Variants in MPPED2 observed in about 807,000 individuals in gnomAD.
The protein encoded by MPPED2 is metallophosphoesterase MPPED2.
A neutral mutation model predicts 33.0 loss-of-function variants in MPPED2; 5 were observed. The ratio of observed to expected loss-of-function variants is 0.15; its 90% confidence interval spans 0.08 to 0.32. The LOEUF is 0.32. MPPED2 is among the 10% of genes least tolerant of loss of function. MPPED2 has a pLI of 1.00. For missense variants in MPPED2, 275 were observed against 372.1 expected (o/e 0.74, Z 2.15); for synonymous variants, 136 against 141.9 (o/e 0.96, Z 0.29).
At position 30,449,312 on chromosome 11, in the gene MPPED2, G is replaced by A. The variant is rs149660588; in HGVS notation, c.537-31679C>T. 1.5e-3 allele frequency among the ~76,000 whole-genome samples: 226 copies of A among 152,284 alleles called. 3 individuals carry two copies. The highest frequency in any genetic ancestry group is 5.0e-3 in the African/African-American group (209 of 41,570). On this transcript the variant is annotated intron_variant, in intron 4 of 6. Transcript: ENST00000358117. ...AGGATATGCCACCCCCAACTATGCC[G>A]CTTTGTCATAAGGAGTATTTTTGAG... is the stretch of plus-strand genomic sequence containing the variant.
intron 4 of MPPED2, among the ~76,000 whole-genome samples, chr11:30,438,690 C>T (rs952099257): frequency 2.0e-5 from 3 of 152,212 alleles, no homozygotes; most frequent in African/African-American, 7.2e-5. Context: ...CATTACTATT[C>T]TCGATCCTAT....
At chr11:30,554,765 G>C (rs1022960510) in intron 2 of MPPED2, among the ~76,000 whole-genome samples, 1 of 152,152 alleles carries the variant, frequency 6.6e-6, no homozygotes, top group Non-Finnish European at 1.5e-5. Flanking sequence ...AAAGTGCTGG[G>C]ATTACAGGCA....
At chr11:30,461,023 G>A (rs1274946094) in intron 4 of MPPED2, among the ~76,000 whole-genome samples, 3 of 152,232 alleles carry the variant, frequency 2.0e-5, no homozygotes, top group Non-Finnish European at 2.9e-5. Context: ...TATAAACACA[G>A]GGGAATGCTA....
chr11:30,428,699 T>A (rs1447655688), intron 4 of MPPED2, among the ~76,000 whole-genome samples: 1 of 152,156 alleles, frequency 6.6e-6, no homozygotes, highest in Non-Finnish European at 1.5e-5. Flanking sequence ...GTTCATCTGT[T>A]TGATCTCAGT....
At chr11:30,550,995 C>T (rs1035161047) in intron 2 of MPPED2, among the ~76,000 whole-genome samples, 1 of 152,148 alleles carries the variant, frequency 6.6e-6, no homozygotes, top group African/African-American at 2.4e-5. Context: ...TTGGTAGAAT[C>T]TTTCATACTT....
rs189205481 is a variant in MPPED2 at position 30,430,783 on chromosome 11, A to G, written c.537-13150T>C. Among the ~76,000 whole-genome samples the G allele has an allele frequency of 7.2e-5, 11 of 152,326 alleles. No homozygotes were observed. In the South Asian group the frequency reaches 1.9e-3, roughly 26 times the overall value. ...TATTATGCAAATGTTAATTCTGAAGACTAGGTGGCAACACAGAAAATCCTT... is the reference window on the plus strand; with the variant it reads ...TATTATGCAAATGTTAATTCTGAAGGCTAGGTGGCAACACAGAAAATCCTT... On this transcript the variant is annotated intron_variant, in intron 4 of 6. Coordinates refer to ENST00000358117, the MANE Select transcript of MPPED2 (RefSeq NM_001584.3).
chr11:30,552,090 T>C (rs920479379), intron 2 of MPPED2, among the ~76,000 whole-genome samples: 2 of 152,208 alleles, frequency 1.3e-5, no homozygotes, highest in African/African-American at 4.8e-5. Flanking sequence ...AAAAATCATG[T>C]CATTTTACAC....
At chr11:30,455,640 C>T (rs372661605) in intron 4 of MPPED2, among the ~76,000 whole-genome samples, 27 of 152,300 alleles carry the variant, frequency 1.8e-4, no homozygotes, top group African/African-American at 5.8e-4. Flanking sequence ...GCTTTCCTCC[C>T]CATATGGGAT....
chr11:30,502,559 C>A (rs1952618296), intron 3 of MPPED2, among the ~76,000 whole-genome samples: 2 of 152,106 alleles, frequency 1.3e-5, no homozygotes, highest in Admixed American at 1.3e-4. Flanking sequence ...GGGAGCCTAC[C>A]CAGTGAAGAG....
intron 3 of MPPED2, among the ~76,000 whole-genome samples, chr11:30,526,889 AT>A (rs887352857): frequency 3.7e-4 from 56 of 150,386 alleles, no homozygotes; most frequent in Admixed American, 7.3e-4. Context: ...TCTATTTTCT[AT>A]TTTTTTTTAT....
In MPPED2 at chr11:30,403,372, T is replaced by A. The variant is rs570784145; in HGVS notation, c.766+10856A>T. ...AAGAATTAATATATTAGACATAGCA[T>A]CATTGAGGTAGATACACACATACAT... On this transcript the variant is annotated intron_variant, in intron 6 of 6. Transcript: ENST00000448418. 4.6e-5 allele frequency among the ~76,000 whole-genome samples: 7 copies of A among 152,296 alleles called. No individual in the cohort carries two copies. The East Asian group carries it at 1.3e-3, about 29-fold the overall frequency.
intron 4 of MPPED2, among the ~76,000 whole-genome samples, chr11:30,439,771 T>A (rs1175730183): frequency 6.6e-6 from 1 of 152,254 alleles, no homozygotes; most frequent in Non-Finnish European, 1.5e-5. Context: ...TTGTAATTTG[T>A]AACCTGTTTT....
chr11:30,480,416 G>A (rs1219540378), intron 4 of MPPED2, among the ~76,000 whole-genome samples: 3 of 151,580 alleles, frequency 2.0e-5, no homozygotes, highest in Non-Finnish European at 4.4e-5. Flanking sequence ...AATTACCATC[G>A]CCGTGACTAA....
At chr11:30,575,500 C>G (rs1480548574) in intron 2 of MPPED2, among the ~76,000 whole-genome samples, 2 of 152,190 alleles carry the variant, frequency 1.3e-5, no homozygotes, top group African/African-American at 4.8e-5. Flanking sequence ...CTGGCAGGAT[C>G]AGTATTTGTA....
At chr11:30,400,883 T>C (rs1947899799) in intron 6 of MPPED2, among the ~76,000 whole-genome samples, 1 of 151,992 alleles carries the variant, frequency 6.6e-6, no homozygotes, top group Non-Finnish European at 1.5e-5. Context: ...TCTTCTTGCC[T>C]CAGCCTCCTG....
At chr11:30,532,101 T>G (rs1221402677) in intron 3 of MPPED2, among the ~76,000 whole-genome samples, 1 of 152,136 alleles carries the variant, frequency 6.6e-6, no homozygotes, top group Non-Finnish European at 1.5e-5. Context: ...ATTGTGGGGG[T>G]TGTATGAAAT....
At chr11:30,543,689 C>T (rs1414340832) in intron 2 of MPPED2, among the ~76,000 whole-genome samples, 1 of 151,744 alleles carries the variant, frequency 6.6e-6, no homozygotes, top group Admixed American at 6.6e-5. Context: ...CTAGATATAT[C>T]TATTCCAACA....
At chr11:30,489,051 C>T (rs201610938) in intron 4 of MPPED2, among the ~76,000 whole-genome samples, 1 of 37,042 alleles carries the variant, frequency 2.7e-5, no homozygotes, top group Admixed American at 2.5e-4. Flanking sequence ...TTCTTCTTCT[C>T]CTTTTTTTTT....
intron 4 of MPPED2, among the ~76,000 whole-genome samples, chr11:30,440,147 T>C (rs1212651243): frequency 6.6e-6 from 1 of 152,156 alleles, no homozygotes; most frequent in Admixed American, 6.5e-5. Context: ...CTGGCCAACA[T>C]GGTGAAACCC....
Sources: allele counts gnomAD v4.1 joint callset (sites outside exome capture counted in the v4.1 genomes callset), GRCh38; gene constraint gnomAD v4.1.1; transcripts MANE v1.5; gene names NCBI Gene and HGNC (gene_info 2026-07-23, HGNC 2026-07-21).